Variants in MAD1L1 observed in about 807,000 individuals in gnomAD.
The protein encoded by MAD1L1 is mitotic arrest deficient 1 like 1.
MAD1L1 carries 95 observed loss-of-function variants against 96.9 expected under a neutral mutation model. That is an observed-to-expected ratio of 0.98 (90% CI 0.83 to 1.16). The LOEUF is 1.16. Among genes scored for constraint, MAD1L1 ranks in the 50% most tolerant of loss-of-function variants. MAD1L1 has a pLI of 0.00. For synonymous variants in MAD1L1, 473 were observed against 396.6 expected (o/e 1.19, Z -2.29); for missense variants, 1,007 against 954.4 (o/e 1.06, Z -0.73).
At position 2,093,269 on chromosome 7, in the gene MAD1L1, A is replaced by T. The variant is rs1419269432; in HGVS notation, c.1074-23931T>A. On this transcript the variant is annotated intron_variant, in intron 11 of 18. Coordinates refer to ENST00000265854, the MANE Select transcript of MAD1L1 (RefSeq NM_001013836.2). The stretch of plus-strand genomic sequence containing the variant: ...CAAAAAAAAAAAAAAAAAAAAATTC[A>T]GAGGGAGGGCAGTACATAGCCAAAA... Among the ~76,000 whole-genome samples, 4 of 146,654 alleles carry T rather than the reference A, an allele frequency of 2.7e-5. No individual in the cohort carries two copies. In the East Asian group the frequency reaches 7.9e-4, roughly 29 times the overall value.
At chr7:2,085,122 C>T (rs1326548737) in intron 11 of MAD1L1, among the ~76,000 whole-genome samples, 1 of 152,200 alleles carries the variant, frequency 6.6e-6, no homozygotes, top group Non-Finnish European at 1.5e-5. Flanking sequence ...AGTGACTACA[C>T]TGTTCGTTAC....
intron 4 of MAD1L1, 63 bp from the exon 5 acceptor site, chr7:2,222,817 C>T: frequency 7.7e-7 from 1 of 1,293,198 alleles, no homozygotes; most frequent in African/African-American, 1.5e-5. Flanking sequence ...GGGGAGCCCT[C>T]ACCCCCACAC....
At chr7:1,827,075 G>A (rs1402781824) in intron 18 of MAD1L1, among the ~76,000 whole-genome samples, 1 of 152,238 alleles carries the variant, frequency 6.6e-6, no homozygotes, top group Non-Finnish European at 1.5e-5. Flanking sequence ...GAGGGAGTGG[G>A]GGCGCCGGCT....
chr7:1,872,566 C>T (rs1785164635), intron 18 of MAD1L1: 2 of 152,316 alleles, frequency 1.3e-5, no homozygotes, highest in African/African-American at 4.8e-5. Context: ...CTTTCCAGAA[C>T]AGGATCCAGG....
chr7:2,169,734 G>A (rs893549512), intron 10 of MAD1L1, among the ~76,000 whole-genome samples: 4 of 146,580 alleles, frequency 2.7e-5, no homozygotes, highest in East Asian at 3.9e-4. Flanking sequence ...TGGGTGGAGG[G>A]GTCGGCCAGG....
At chr7:2,033,380 A>G (rs1405995263) in intron 12 of MAD1L1, among the ~76,000 whole-genome samples, 2 of 152,216 alleles carry the variant, frequency 1.3e-5, no homozygotes, top group Non-Finnish European at 2.9e-5. Context: ...AAGGCCCTGA[A>G]AGGCTGTGGG....
chr7:2,159,851 C>T (rs916344774), intron 10 of MAD1L1, among the ~76,000 whole-genome samples: 2 of 152,334 alleles, frequency 1.3e-5, no homozygotes, highest in Non-Finnish European at 2.9e-5. Flanking sequence ...TAAATACAGA[C>T]ACAAGAAGCG....
At position 1,922,006 on chromosome 7, in the gene MAD1L1, T is replaced by G. The variant is rs549533943; in HGVS notation, c.1807+14681A>C. On this transcript the variant is annotated intron_variant, in intron 17 of 18. Transcript: ENST00000265854. ...CGGAATTAACAGATAAGAGAGAACC[T>G]GAAGACGAGGGGTTCAGGTTCTGGG... Among the ~76,000 whole-genome samples, 7 of 152,364 alleles carry G rather than the reference T, an allele frequency of 4.6e-5. No homozygotes were observed. In the South Asian group the frequency reaches 1.4e-3, roughly 32 times the overall value.
chr7:1,954,740 G>A (rs993538646), intron 16 of MAD1L1, among the ~76,000 whole-genome samples: 4 of 152,224 alleles, frequency 2.6e-5, no homozygotes, highest in East Asian at 1.9e-4. Flanking sequence ...TCACACGCAG[G>A]CTCCCTGTGG....
intron 10 of MAD1L1, among the ~76,000 whole-genome samples, chr7:2,158,591 A>G (rs917334444): frequency 1.3e-5 from 2 of 152,242 alleles, no homozygotes; most frequent in African/African-American, 4.8e-5. Context: ...AATAAAATAC[A>G]TTAGACAGCA....
chr7:1,833,088 A>T (rs530328508), intron 18 of MAD1L1, among the ~76,000 whole-genome samples: 1 of 152,358 alleles, frequency 6.6e-6, no homozygotes, highest in Non-Finnish European at 1.5e-5. Context: ...TTTAAGCAAT[A>T]AAGTATTTTT....
intron 15 of MAD1L1, among the ~76,000 whole-genome samples, chr7:1,967,436 C>T (rs897461783): frequency 5.3e-5 from 8 of 152,318 alleles, no homozygotes; most frequent in Non-Finnish European, 1.0e-4. Flanking sequence ...GACCCGATGA[C>T]ATCATGTATA....
chr7:1,921,475 C>T (rs1358644208), intron 17 of MAD1L1, among the ~76,000 whole-genome samples: 4 of 152,126 alleles, frequency 2.6e-5, no homozygotes, highest in African/African-American at 9.7e-5. Context: ...CAGACACCCT[C>T]CCGCCACGCC....
At chr7:2,130,049 C>T (rs929472575) in intron 11 of MAD1L1, among the ~76,000 whole-genome samples, 1 of 152,262 alleles carries the variant, frequency 6.6e-6, no homozygotes, top group Admixed American at 6.5e-5. Flanking sequence ...GACTCCAGCA[C>T]CAAGTGGGTG....
chr7:2,034,784 G>A (rs1162990259), intron 12 of MAD1L1, among the ~76,000 whole-genome samples: 3 of 152,232 alleles, frequency 2.0e-5, no homozygotes, highest in African/African-American at 7.2e-5. Context: ...GAAGGGAGAC[G>A]TGGAGATGAA....
Position 1,936,626 on chromosome 7 carries a change from A to C in MAD1L1, c.1807+61T>G, listed in dbSNP as rs1778618624. 5 of 1,493,750 alleles carry C rather than the reference A, an allele frequency of 3.3e-6. No homozygotes were observed. The Admixed American group carries it at 8.0e-5, about 24-fold the overall frequency. 92.5% of individuals were successfully genotyped at this position (1,493,750 alleles called of 1,614,324 possible). A position where few individuals can be genotyped will look rare whatever the true frequency, so the allele number is the denominator to read the frequency against. ...GCGCCTGAGGCTGCCCCAAAGGCGC[A>C]CGGATGGACCTACCCACGGAAGGTC... On this transcript the variant is annotated intron_variant, in intron 17 of 18. Transcript: ENST00000265854.
chr7:1,963,645 G>A (rs141356377), intron 15 of MAD1L1, among the ~76,000 whole-genome samples: 8 of 152,274 alleles, frequency 5.3e-5, no homozygotes, highest in East Asian at 3.9e-4. Context: ...CTGCTTGTAC[G>A]GCGCACCTGC....
intron 18 of MAD1L1, among the ~76,000 whole-genome samples, chr7:1,893,792 A>T (rs1786700678): frequency 6.6e-6 from 1 of 152,204 alleles, no homozygotes; most frequent in East Asian, 1.9e-4. Context: ...CCAAGGCTGC[A>T]CACCAGGGTC....
At chr7:1,962,506 C>T (rs533300263) in intron 15 of MAD1L1, among the ~76,000 whole-genome samples, 4 of 152,108 alleles carry the variant, frequency 2.6e-5, no homozygotes, top group South Asian at 2.1e-4. Context: ...GATGAAAGAA[C>T]GAAAAGACAA....
Sources: gnomAD v4.1 joint callset for allele counts (sites outside exome capture counted in the v4.1 genomes callset) on GRCh38, gnomAD v4.1.1 for gene constraint, MANE v1.5 for transcripts, NCBI Gene and HGNC (gene_info 2026-07-23, HGNC 2026-07-21) for gene names.